OXNAD1: variants seen among roughly 807,000 people sequenced by gnomAD.
The protein encoded by OXNAD1 is oxidoreductase NAD-binding domain-containing protein 1.
Under a neutral mutation model 32.9 loss-of-function variants are expected in OXNAD1, and 34 were observed. That is an observed-to-expected ratio of 1.03 (90% CI 0.79 to 1.38). OXNAD1 has a LOEUF of 1.38. OXNAD1 is among the 40% of genes most tolerant of loss of function. OXNAD1 has a pLI of 0.00. For synonymous variants in OXNAD1, 134 were observed against 135.2 expected, an observed-to-expected ratio of 0.99 and a Z score of 0.06; for missense variants, 407 against 379.4, an observed-to-expected ratio of 1.07 and a Z score of -0.60.
rs2064972804 is a variant in OXNAD1, at chr3:16,271,970, A to C, written c.183+248A>C. Reference sequence around the variant, plus strand: ...TACCTTTTGATGAAGCAAGTAGAGCAGCAACTGAGGGAGCCATCCTCACAG... The same window carrying C: ...TACCTTTTGATGAAGCAAGTAGAGCCGCAACTGAGGGAGCCATCCTCACAG... On this transcript the variant is annotated intron_variant, in intron 4 of 8. Transcript: ENST00000285083. The surrounding 1 kb of genome is among the most constrained non-coding windows in gnomAD (Gnocchi z 4.6). Among the ~76,000 whole-genome samples the C allele has an allele frequency of 6.6e-6, 1 of 152,238 alleles. No homozygotes were observed. Among genetic ancestry groups the C allele is most frequent in the African/African-American group, 2.4e-5 (1 of 41,468 alleles).
chr3:16,282,843 T>TTC (rs1491320141), intron 4 of OXNAD1, among the ~76,000 whole-genome samples: 2 of 148,546 alleles, frequency 1.3e-5, no homozygotes, highest in Admixed American at 6.7e-5. Context: ...TTTTTTTTTT[T>TTC]CGGTGATTGA....
rs1008347342 is a variant in OXNAD1, at chr3:16,288,879, A to G, written c.290+2431A>G. Among the ~76,000 whole-genome samples the G allele has an allele frequency of 1.3e-5, 2 of 152,084 alleles. No homozygotes were observed. The highest frequency in any genetic ancestry group is 4.8e-5 in the African/African-American group (2 of 41,406). Reference sequence around the variant, plus strand: ...CCTCACACAGTGTGCAGCTGCCCTGAGTTTCTAGATTCACATTTGGCTGTG... The same window carrying G: ...CCTCACACAGTGTGCAGCTGCCCTGGGTTTCTAGATTCACATTTGGCTGTG... On this transcript the variant is annotated intron_variant, in intron 5 of 8. Coordinates refer to ENST00000285083, the MANE Select transcript of OXNAD1 (RefSeq NM_138381.5). This position sits in a 1 kb window ranked among gnomAD's most constrained non-coding sequence, Gnocchi z 5.1.
intron 6 of OXNAD1, among the ~76,000 whole-genome samples, chr3:16,295,307 A>C (rs1489104850): frequency 1.3e-5 from 2 of 152,162 alleles, no homozygotes; most frequent in African/African-American, 4.8e-5. Context: ...GTAAATCTAT[A>C]AATCAGATTA....
intron 9 of OXNAD1, among the ~76,000 whole-genome samples, chr3:16,324,212 G>A (rs1406056379): frequency 2.6e-5 from 4 of 151,904 alleles, no homozygotes; most frequent in Non-Finnish European, 5.9e-5. Context: ...TTTGATATAT[G>A]TTTACAATGT....
rs1026068223 is a variant in OXNAD1, at chr3:16,336,030, G to T, written c.*31-1082G>T. On this transcript the variant is annotated intron_variant, in intron 9 of 9. Coordinates refer to the OXNAD1 transcript ENST00000435829. This position sits in a 1 kb window ranked among gnomAD's most constrained non-coding sequence, Gnocchi z 6.0. ...CGCTGGCTATAGCGGCACTCGAGGA[G>T]GGTAGAGGTCCTGTTCTCCTACGGC... 6.6e-6 allele frequency among the ~76,000 whole-genome samples: 1 copy of T among 152,228 alleles called. No individual in the cohort carries two copies. Among genetic ancestry groups the T allele is most frequent in the South Asian group, 2.1e-4 (1 of 4,836 alleles).
intron 9 of OXNAD1, chr3:16,347,620 G>A (rs2071818662): frequency 6.6e-6 from 1 of 152,182 alleles, no homozygotes; most frequent in Non-Finnish European, 1.5e-5. Context: ...CCACCTCTGT[G>A]TGCACACTCA....
chr3:16,310,763 G>T (rs924670044), downstream of OXNAD1, among the ~76,000 whole-genome samples: 3 of 152,058 alleles, frequency 2.0e-5, no homozygotes, highest in East Asian at 5.8e-4. Flanking sequence ...GCCAAGGTGG[G>T]CAAATCACCT....
intron 4 of OXNAD1, among the ~76,000 whole-genome samples, chr3:16,283,110 A>G (rs1160794757): frequency 4.6e-5 from 7 of 152,172 alleles, no homozygotes; most frequent in Non-Finnish European, 1.0e-4. Context: ...GTGTGTTTGA[A>G]TATCAACTGA....
chr3:16,307,788 C>T (rs1054263911), downstream of OXNAD1, among the ~76,000 whole-genome samples: 1 of 125,844 alleles, frequency 7.9e-6, no homozygotes, highest in Non-Finnish European at 1.7e-5. Flanking sequence ...AAAGACAAGA[C>T]AGGGTTCCTC....
rs1160386331 is a variant in OXNAD1, at chr3:16,317,772, C to G, written c.*30+14180C>G. Among the ~76,000 whole-genome samples, 1 of 92,314 alleles carries G rather than the reference C, an allele frequency of 1.1e-5. No homozygotes were observed. The highest frequency in any genetic ancestry group is 2.6e-4 in the South Asian group (1 of 3,784). The allele number at this position is 92,314 out of a possible 152,430, so 60.6% of individuals were successfully genotyped here. A position where few individuals can be genotyped will look rare whatever the true frequency, so the allele number is the denominator to read the frequency against. On this transcript the variant is annotated intron_variant, in intron 9 of 9. Coordinates refer to the OXNAD1 transcript ENST00000435829. The surrounding 1 kb of genome is among the most constrained non-coding windows in gnomAD (Gnocchi z 4.3). ...TGGCGGGCCCGCTCCCCAGCTAGGC[C>G]GATAGCCCTTTGCTGACCACCACCT...
At position 16,271,756 on chromosome 3, in the gene OXNAD1, G is replaced by T; in HGVS notation, c.183+34G>T. On this transcript the variant is annotated intron_variant, in intron 4 of 8. Transcript: ENST00000285083. This position sits in a 1 kb window ranked among gnomAD's most constrained non-coding sequence, Gnocchi z 4.6. The stretch of plus-strand genomic sequence containing the variant: ...CTTTGGGGTATGACAGGTTTTTCCA[G>T]CTAGACCGTTTACATGTGGTTATGA... 6.3e-7 allele frequency: 1 copy of T among 1,578,448 alleles called. No homozygotes were observed. The highest frequency in any genetic ancestry group is 8.6e-7 in the Non-Finnish European group (1 of 1,158,722).
chr3:16,285,504 A>C (rs1210244438), intron 4 of OXNAD1, among the ~76,000 whole-genome samples: 2 of 152,256 alleles, frequency 1.3e-5, no homozygotes, highest in African/African-American at 4.8e-5. Context: ...TCCCAGGCTT[A>C]CAGGACAAAG....
chr3:16,286,591 G>A, intron 5 of OXNAD1, 143 bp downstream of exon 5: 2 of 704,030 alleles, frequency 2.8e-6, no homozygotes, highest in South Asian at 3.8e-5. Context: ...GTGAGCCTTT[G>A]TTGGCACAGA....
downstream of OXNAD1, among the ~76,000 whole-genome samples, chr3:16,310,526 T>G (rs1228474110): frequency 6.6e-6 from 1 of 152,120 alleles, no homozygotes; most frequent in East Asian, 1.9e-4. Context: ...TTTACCACAT[T>G]AAAGGATGAA....
intron 4 of OXNAD1, among the ~76,000 whole-genome samples, chr3:16,279,545 T>A (rs768011746): frequency 1.5e-4 from 22 of 150,610 alleles, no homozygotes; most frequent in Non-Finnish European, 2.8e-4. Context: ...ACGTAGAGAG[T>A]AAGGGAAGAG....
chr3:16,300,613 A>G (rs996968113), intron 6 of OXNAD1, among the ~76,000 whole-genome samples: 1 of 152,246 alleles, frequency 6.6e-6, no homozygotes, highest in Non-Finnish European at 1.5e-5. Context: ...ATTGTGCAGG[A>G]CAGTCTTGTG....
At chr3:16,309,688 G>T (rs1172832170), downstream of OXNAD1, among the ~76,000 whole-genome samples, 1 of 151,364 alleles carries the variant, frequency 6.6e-6, no homozygotes, top group African/African-American at 2.4e-5. Context: ...TGTGTGGGAT[G>T]GTGGGAGGAA....
intron 9 of OXNAD1, among the ~76,000 whole-genome samples, chr3:16,332,709 A>C (rs1408141236): frequency 6.6e-6 from 1 of 152,176 alleles, no homozygotes. Flanking sequence ...TCCAGGTTGT[A>C]GCTTCCTTCA....
chr3:16,266,602 CAAAAAAAA>C (rs77883979), intron 1 of OXNAD1, among the ~76,000 whole-genome samples: 2 of 73,084 alleles, frequency 2.7e-5, no homozygotes, highest in African/African-American at 1.1e-4. Context: ...GACGCTGTCT[CAAAAAAAA>C]AAAAAAAAAA....
Sources: allele counts gnomAD v4.1 joint callset (sites outside exome capture counted in the v4.1 genomes callset), GRCh38; gene constraint gnomAD v4.1.1; non-coding constraint Gnocchi (gnomAD v3.1); transcripts MANE v1.5; gene names NCBI Gene and HGNC (gene_info 2026-07-23, HGNC 2026-07-21).